PARP4: variants seen among roughly 807,000 people sequenced by gnomAD.
PARP4 encodes poly(ADP-ribose) polymerase family member 4, also known as protein mono-ADP-ribosyltransferase PARP4.
PARP4 carries 120 observed loss-of-function variants against 187.7 expected under a neutral mutation model. The observed-to-expected ratio is 0.64, with a 90% CI of 0.55 to 0.74. The LOEUF (loss-of-function observed/expected upper bound fraction) is 0.74, where lower values mean the gene tolerates loss of function less well. Among genes scored for constraint, PARP4 ranks in the 30% least tolerant of loss-of-function variants. The pLI is 0.00. For missense variants in PARP4, 1,836 were observed against 2,070.5 expected (o/e 0.89, Z 2.20); for synonymous variants, 654 against 740.9 (o/e 0.88, Z 1.90).
chr13:24,430,745 T>C (rs977958715), intron 32 of PARP4, among the ~76,000 whole-genome samples: 23 of 152,018 alleles, frequency 1.5e-4, no homozygotes, highest in African/African-American at 4.6e-4. Context: ...GACTTCCTCA[T>C]CTATCCCCTT....
At chr13:24,459,360 C>A in intron 18 of PARP4, 50 bp from the exon 19 acceptor site, 1 of 1,449,694 alleles carries the variant, frequency 6.9e-7, no homozygotes, top group Admixed American at 2.3e-5. Flanking sequence ...TTAAGTTTCA[C>A]AATGAGACTA....
At chr13:24,490,587 A>C in intron 10 of PARP4, 81 bp downstream of exon 10, 1 of 1,026,514 alleles carries the variant, frequency 9.7e-7, no homozygotes, top group Non-Finnish European at 1.5e-6. Flanking sequence ...TTATCTAGGT[A>C]ATTACTGTAA....
chr13:24,479,921 C>T (rs1234526821), intron 12 of PARP4, among the ~76,000 whole-genome samples: 1 of 152,118 alleles, frequency 6.6e-6, no homozygotes, highest in African/African-American at 2.4e-5. Flanking sequence ...CTGAAGCCCG[C>T]GAGACCACGA....
chr13:24,462,673 T>A (rs1458186803), intron 17 of PARP4, among the ~76,000 whole-genome samples: 4 of 152,194 alleles, frequency 2.6e-5, no homozygotes, highest in Non-Finnish European at 5.9e-5. Context: ...GAGGAATACA[T>A]ATGAATAGAT....
Position 24,459,072 on chromosome 13 carries a change from A to T in PARP4, c.2396T>A (p.Phe799Tyr), listed in dbSNP as rs1483331057. ...IEMPYVIEFI[F>Y]SDTHELKQKR... Reference sequence around the variant, plus strand: ...TTGTTTCAGTTCATGTGTATCACTGAAAATGAATTCAATCACATACGGCAT... The same window carrying T: ...TTGTTTCAGTTCATGTGTATCACTGTAAATGAATTCAATCACATACGGCAT... Residue 799 changes from phenylalanine to tyrosine, a missense_variant, in exon 20 of 34, where the codon TTC (phenylalanine) becomes TAC (tyrosine). Phe to Tyr is a conservative substitution (Grantham distance 22). Coordinates refer to ENST00000381989, the MANE Select transcript of PARP4 (RefSeq NM_006437.4). 6.2e-7 allele frequency: 1 copy of T among 1,609,866 alleles called. No homozygotes were observed. Among genetic ancestry groups the T allele is most frequent in the Non-Finnish European group, 8.5e-7 (1 of 1,177,000 alleles).
Position 24,490,969 on chromosome 13 carries a change from G to A in PARP4, c.1054-141C>T, listed in dbSNP as rs1159016553. ...TTTTACTTTATTTATTTTTGAGATGGGTCTTGCTCTCACCCACGCTGGAGT... is the reference window on the plus strand; with the variant it reads ...TTTTACTTTATTTATTTTTGAGATGAGTCTTGCTCTCACCCACGCTGGAGT... On this transcript the variant is annotated intron_variant, in intron 9 of 33. Transcript: ENST00000381989. 2.2e-5 allele frequency: 17 copies of A among 757,654 alleles called. No individual in the cohort carries two copies. The East Asian group carries it at 3.8e-4, about 17-fold the overall frequency. 46.9% of individuals were successfully genotyped at this position (757,654 alleles called of 1,614,324 possible).
intron 8 of PARP4, 125 bp downstream of exon 8, chr13:24,493,471 G>GA: frequency 1.1e-6 from 1 of 888,934 alleles, no homozygotes; most frequent in Non-Finnish European, 1.7e-6. Context: ...CCGGTACAAG[G>GA]AAAGAACATT....
chr13:24,466,338 C>T (rs1872468520), intron 17 of PARP4, among the ~76,000 whole-genome samples: 1 of 152,144 alleles, frequency 6.6e-6, no homozygotes, highest in African/African-American at 2.4e-5. Context: ...TGCATCACCA[C>T]ACCCAGCTAA....
intron 11 of PARP4, 59 bp from the exon 12 acceptor site, chr13:24,484,807 C>A: frequency 3.3e-6 from 4 of 1,208,768 alleles, no homozygotes; most frequent in Non-Finnish European, 4.9e-6. Flanking sequence ...CTCTTCCTTG[C>A]TCAGAATTTT....
intron 21 of PARP4, 45 bp from the exon 22 acceptor site, chr13:24,455,257 C>G: frequency 6.9e-7 from 1 of 1,448,342 alleles, no homozygotes; most frequent in Middle Eastern, 1.8e-4. Flanking sequence ...CTTGTCACTT[C>G]AACTGCAAAA....
At position 24,459,902 on chromosome 13, in the gene PARP4, C is replaced by A. The variant is rs144119832; in HGVS notation, c.2298+70G>T. The stretch of plus-strand genomic sequence containing the variant: ...ATGTTTTTCTCCCCAGGCATAAATT[C>A]CTCCACAGCCCTCCACCACTCCCCC... On this transcript the variant is annotated intron_variant, in intron 18 of 33. Transcript: ENST00000381989. 72 of 1,314,336 alleles carry A rather than the reference C, an allele frequency of 5.5e-5. No individual in the cohort carries two copies. In the African/African-American group the frequency reaches 9.9e-4, roughly 18 times the overall value. 81.4% of individuals were successfully genotyped at this position (1,314,336 alleles called of 1,614,324 possible). A position where few individuals can be genotyped will look rare whatever the true frequency, so the allele number is the denominator to read the frequency against.
At chr13:24,457,102 C>T (rs1255652231) in intron 20 of PARP4, among the ~76,000 whole-genome samples, 2 of 151,956 alleles carry the variant, frequency 1.3e-5, no homozygotes, top group Admixed American at 1.3e-4. Flanking sequence ...TAGCAGACGG[C>T]ACATCAGATA....
At chr13:24,502,476 G>A (rs1054282852) in intron 2 of PARP4, among the ~76,000 whole-genome samples, 6 of 152,226 alleles carry the variant, frequency 3.9e-5, no homozygotes, top group African/African-American at 7.2e-5. Flanking sequence ...TGCTCCTCGC[G>A]AATCCTGCTA....
chr13:24,511,063 C>T (rs1256622135), intron 1 of PARP4, among the ~76,000 whole-genome samples: 2 of 152,202 alleles, frequency 1.3e-5, no homozygotes, highest in African/African-American at 4.8e-5. Context: ...GCTGGGGTTA[C>T]AGGTGTGAGC....
intron 10 of PARP4, among the ~76,000 whole-genome samples, chr13:24,488,077 G>A (rs1163020458): frequency 2.0e-5 from 3 of 152,200 alleles, no homozygotes; most frequent in Non-Finnish European, 2.9e-5. Context: ...TCCCTAGGAA[G>A]AAGCCCACTT....
intron 32 of PARP4, among the ~76,000 whole-genome samples, chr13:24,429,241 G>A (rs147528887): frequency 0.014 from 2,130 of 152,232 alleles, 22 homozygotes; most frequent in Non-Finnish European, 0.02. Context: ...TTTCTGGTAA[G>A]TCAATCCTTC....
At chr13:24,482,285 T>G (rs543315192) in intron 12 of PARP4, among the ~76,000 whole-genome samples, 1 of 152,346 alleles carries the variant, frequency 6.6e-6, no homozygotes, top group South Asian at 2.1e-4. Context: ...TGAACACTGT[T>G]GAACTGACAA....
At chr13:24,484,567 T>C (rs1310743067) in intron 12 of PARP4, 86 bp downstream of exon 12, 2 of 875,174 alleles carry the variant, frequency 2.3e-6, no homozygotes, top group Admixed American at 1.8e-5. Context: ...TGTGTTTTGG[T>C]TGAGAAACTC....
chr13:24,496,881 G>A (rs2137537619), intron 6 of PARP4, among the ~76,000 whole-genome samples: 1 of 152,298 alleles, frequency 6.6e-6, no homozygotes, highest in South Asian at 2.1e-4. Context: ...AAATTAGCCA[G>A]GCGTGGCAGC....
Sources: allele counts gnomAD v4.1 joint callset (sites outside exome capture counted in the v4.1 genomes callset), GRCh38; gene constraint gnomAD v4.1.1; transcripts MANE v1.5; gene names NCBI Gene and HGNC (gene_info 2026-07-23, HGNC 2026-07-21).